The following MOBP variants were observed in gnomAD, a reference collection of about 807,000 sequenced individuals.
The protein encoded by MOBP is myelin-associated oligodendrocyte basic protein.
In MOBP, 5 loss-of-function variants were observed where a neutral mutation model predicts 15.0. The observed-to-expected ratio is 0.33, with a 90% CI of 0.17 to 0.70. MOBP has a LOEUF of 0.70. Among genes scored for constraint, MOBP ranks in the 30% least tolerant of loss-of-function variants. MOBP has a pLI of 0.67. For missense variants in MOBP, 188 were observed against 257.8 expected (o/e 0.73, Z 1.85); for synonymous variants, 88 against 99.0 (o/e 0.89, Z 0.66).
chr3:39,528,569 C>T (rs1204341319), downstream of MOBP: 2 of 152,206 alleles, frequency 1.3e-5, no homozygotes, highest in Non-Finnish European at 2.9e-5. Context: ...TATTGATGAA[C>T]CCCAATTATG....
At chr3:39,515,677 G>C (rs1055080508) in exon 5 of MOBP, 1 of 152,192 alleles carries the variant, frequency 6.6e-6, no homozygotes, top group Non-Finnish European at 1.5e-5. Context: ...TTGGAACTCT[G>C]TTCTTGCTCT....
chr3:39,474,806 C>T (rs1019832034), intron 1 of MOBP, among the ~76,000 whole-genome samples: 1 of 151,964 alleles, frequency 6.6e-6, no homozygotes, highest in Non-Finnish European at 1.5e-5. Context: ...GTTTTTTTGC[C>T]TCCCCTCAAG....
intron 4 of MOBP, among the ~76,000 whole-genome samples, chr3:39,511,400 T>A (rs1051970882): frequency 6.6e-6 from 1 of 152,240 alleles, no homozygotes; most frequent in Non-Finnish European, 1.5e-5. Flanking sequence ...AAAGCTGTGC[T>A]ACAATACGAT....
Position 39,513,672 on chromosome 3 carries a change from A to G in MOBP, c.*289A>G, listed in dbSNP as rs1035127758. 12 of 519,306 alleles carry G rather than the reference A, an allele frequency of 2.3e-5. No homozygotes were observed. The East Asian group carries it at 3.3e-4, about 14-fold the overall frequency. The allele number at this position is 519,306 out of a possible 1,614,324, so 32.2% of individuals were successfully genotyped here. A position where few individuals can be genotyped will look rare whatever the true frequency, so the allele number is the denominator to read the frequency against. On this transcript the variant is annotated 3_prime_UTR_variant, in exon 5 of 5. Transcript: ENST00000311042. The stretch of plus-strand genomic sequence containing the variant: ...GGTTCCAGCAGCACCCGCAGGCTCT[A>G]GAGCTCAATGCACAGTTCTTTTTGT...
chr3:39,500,105 C>T (rs538550049), intron 2 of MOBP: 1 of 455,700 alleles, frequency 2.2e-6, no homozygotes, highest in Non-Finnish European at 4.4e-6. Context: ...TCTGCTCTAC[C>T]CACTTCCTCA....
chr3:39,506,867 G>A (rs1396320380), downstream of MOBP, among the ~76,000 whole-genome samples: 1 of 152,194 alleles, frequency 6.6e-6, no homozygotes, highest in Admixed American at 6.5e-5. Flanking sequence ...CCTAATGAGT[G>A]CTGAACCCAA....
Position 39,503,001 on chromosome 3 carries a change from C to A in MOBP, c.*121C>A. The A allele has an allele frequency of 1.7e-6, 1 of 582,606 alleles. No homozygotes were observed. The highest frequency in any genetic ancestry group is 2.3e-5 in the South Asian group (1 of 43,762). The allele number at this position is 582,606 out of a possible 1,614,324, so 36.1% of individuals were successfully genotyped here. On this transcript the variant is annotated 3_prime_UTR_variant, in exon 4 of 4. Transcript: ENST00000684792. ...ATTACCCAACCTGTGTAATCAGCTC[C>A]CTCCATTAAATCCCCTCTGTTTGAA...
At chr3:39,503,658 T>TTTTATTATTTATTTATTTA (rs10662939), downstream of MOBP, among the ~76,000 whole-genome samples, 958 of 147,978 alleles carry the variant, frequency 6.5e-3, 11 homozygotes, top group African/African-American at 0.013. Context: ...CTGGCCAATT[T>TTTTATTATTTATTTATTTA]TTTATTTATT....
chr3:39,502,585 C>T lies in MOBP; in HGVS notation c.257C>T (p.Ala86Val), dbSNP rs2042988911. ...CAGAGGCCCAAGCAACAGCCAGCTG[C>T]GCCCCCCGCGGTGGTCAGAGCGCCA... ...SPQRPKQQPA[A>V]PPAVVRAPAK... The change falls in exon 4 of 4, where the codon GCG becomes GTG. Residue 86 changes from alanine to valine, a missense_variant. Transcript: ENST00000684792. This position sits in a 1 kb window ranked among gnomAD's most constrained non-coding sequence, Gnocchi z 6.3. 3.8e-6 allele frequency: 6 copies of T among 1,571,938 alleles called. No individual in the cohort carries two copies. In the South Asian group the frequency reaches 6.9e-5, roughly 18 times the overall value.
downstream of MOBP, among the ~76,000 whole-genome samples, chr3:39,519,561 G>A (rs1463542061): frequency 7.4e-6 from 1 of 134,812 alleles, no homozygotes; most frequent in African/African-American, 2.7e-5. Context: ...ATTGTCTGAT[G>A]ACCCTAACTT....
intron 2 of MOBP, among the ~76,000 whole-genome samples, chr3:39,494,639 A>G (rs530728171): frequency 1.3e-5 from 2 of 152,316 alleles, no homozygotes; most frequent in African/African-American, 4.8e-5. Flanking sequence ...TGAGATAAAT[A>G]GAGTGTGTCT....
At chr3:39,518,829 C>T (rs926425349), downstream of MOBP, among the ~76,000 whole-genome samples, 15 of 152,164 alleles carry the variant, frequency 9.9e-5, no homozygotes, top group African/African-American at 3.6e-4. Context: ...TCCTTCTCTT[C>T]CAAGGTGGAA....
chr3:39,477,615 T>G (rs945272234), intron 1 of MOBP, among the ~76,000 whole-genome samples: 4 of 148,792 alleles, frequency 2.7e-5, no homozygotes, highest in Non-Finnish European at 5.9e-5. Flanking sequence ...CTGCTTGTAT[T>G]AAAAAAAAGG....
At chr3:39,500,115 A>G (rs574891619) in intron 2 of MOBP, 122 of 454,860 alleles carry the variant, frequency 2.7e-4, no homozygotes, top group African/African-American at 2.2e-3. Context: ...CCACTTCCTC[A>G]TCTCAGTGAC....
chr3:39,474,905 C>T (rs1004326057), intron 1 of MOBP, among the ~76,000 whole-genome samples: 1 of 152,140 alleles, frequency 6.6e-6, no homozygotes, highest in Non-Finnish European at 1.5e-5. Context: ...ATGTTAACAT[C>T]TTACGTAACT....
intron 2 of MOBP, among the ~76,000 whole-genome samples, chr3:39,490,496 C>T (rs1463222456): frequency 6.6e-6 from 1 of 152,154 alleles, no homozygotes; most frequent in Admixed American, 6.5e-5. Context: ...ATGTTAGACA[C>T]TTCCTCTTGT....
chr3:39,493,451 T>G (rs1489946601), intron 2 of MOBP, among the ~76,000 whole-genome samples: 2 of 152,084 alleles, frequency 1.3e-5, no homozygotes, highest in Non-Finnish European at 2.9e-5. Flanking sequence ...GGTCCCTTCC[T>G]CTACTGAACA....
chr3:39,505,936 A>G, downstream of MOBP, among the ~76,000 whole-genome samples: 1 of 151,858 alleles, frequency 6.6e-6, no homozygotes, highest in East Asian at 1.9e-4. Flanking sequence ...AACCCCAGCC[A>G]CTCCCCAGAC....
intron 1 of MOBP, among the ~76,000 whole-genome samples, chr3:39,468,280 TTGTC>T (rs1456925117): frequency 1.3e-5 from 2 of 152,124 alleles, no homozygotes; most frequent in African/African-American, 2.4e-5. Context: ...CGCTAATGCT[TTGTC>T]TGATACAGAA....
Sources: allele counts gnomAD v4.1 joint callset (sites outside exome capture counted in the v4.1 genomes callset), GRCh38; gene constraint gnomAD v4.1.1; non-coding constraint Gnocchi (gnomAD v3.1); transcripts MANE v1.5; gene names NCBI Gene and HGNC (gene_info 2026-07-23, HGNC 2026-07-21).